RHOBTB1: variants seen among roughly 807,000 people sequenced by gnomAD.
RHOBTB1 encodes Rho related BTB domain containing 1, also known as rho-related BTB domain-containing protein 1.
A neutral mutation model predicts 71.6 loss-of-function variants in RHOBTB1; 40 were observed. The observed-to-expected ratio is 0.56, with a 90% CI of 0.43 to 0.73. The LOEUF (loss-of-function observed/expected upper bound fraction) is 0.73, where lower values mean the gene tolerates loss of function less well. Among genes scored for constraint, RHOBTB1 ranks in the 30% least tolerant of loss-of-function variants. The pLI is 0.00. For missense variants in RHOBTB1, 797 were observed against 894.0 expected (o/e 0.89, Z 1.38); for synonymous variants, 319 against 334.9 (o/e 0.95, Z 0.52).
chr10:60,919,128 T>A (rs955503966), intron 2 of RHOBTB1, among the ~76,000 whole-genome samples: 11 of 152,180 alleles, frequency 7.2e-5, no homozygotes, highest in African/African-American at 2.7e-4. Context: ...ACCTTTGTAG[T>A]CTTATCTCCA....
intron 4 of RHOBTB1, among the ~76,000 whole-genome samples, chr10:60,900,053 T>G (rs181527388): frequency 8.8e-4 from 134 of 152,212 alleles, no homozygotes; most frequent in Non-Finnish European, 1.7e-3. Context: ...TGTGGTGCCC[T>G]CCTGGAGGAA....
At chr10:60,899,223 C>T (rs1057236894) in intron 4 of RHOBTB1, among the ~76,000 whole-genome samples, 1 of 152,178 alleles carries the variant, frequency 6.6e-6, no homozygotes, top group African/African-American at 2.4e-5. Flanking sequence ...AAAGAAACAG[C>T]TTAAACAGTC....
In RHOBTB1 at chr10:60,931,005, T is replaced by A. The variant is rs537773524; in HGVS notation, c.-11+10799A>T. On this transcript the variant is annotated intron_variant, in intron 2 of 10. Transcript: ENST00000337910. Reference sequence around the variant, plus strand: ...CATGTAACAGGAAGCAATATTGAAGTCTTCCCTCTGCAACAACAATACATG... The same window carrying A: ...CATGTAACAGGAAGCAATATTGAAGACTTCCCTCTGCAACAACAATACATG... Among the ~76,000 whole-genome samples, 6 of 152,164 alleles carry A rather than the reference T, an allele frequency of 3.9e-5. No homozygotes were observed. In the South Asian group the frequency reaches 1.2e-3, roughly 32 times the overall value.
At chr10:60,987,612 C>T (rs998970939) in intron 1 of RHOBTB1, among the ~76,000 whole-genome samples, 4 of 152,166 alleles carry the variant, frequency 2.6e-5, no homozygotes, top group Non-Finnish European at 4.4e-5. Context: ...TAATGTGTTC[C>T]TGCTTCCAAT....
At chr10:60,906,243 G>A (rs879853987) in intron 4 of RHOBTB1, among the ~76,000 whole-genome samples, 1 of 152,184 alleles carries the variant, frequency 6.6e-6, no homozygotes, top group Non-Finnish European at 1.5e-5. Context: ...ACTCTCAGAA[G>A]GTTTGCTTGG....
chr10:60,945,670 A>C (rs1467415915), upstream of RHOBTB1, among the ~76,000 whole-genome samples: 2 of 152,206 alleles, frequency 1.3e-5, no homozygotes, highest in East Asian at 3.9e-4. Flanking sequence ...TAAATCCCCC[A>C]GAGACCCCAG....
upstream of RHOBTB1, among the ~76,000 whole-genome samples, chr10:60,946,040 C>T (rs1035429528): frequency 5.9e-5 from 9 of 152,062 alleles, no homozygotes; most frequent in East Asian, 1.9e-4. Flanking sequence ...TGGCTGGGCG[C>T]GGTGGCGCAC....
chr10:60,937,808 T>C (rs1000162138), intron 2 of RHOBTB1, among the ~76,000 whole-genome samples: 6 of 152,090 alleles, frequency 3.9e-5, no homozygotes, highest in African/African-American at 9.7e-5. Context: ...GAGACAAAAA[T>C]GATACAACTG....
intron 7 of RHOBTB1, among the ~76,000 whole-genome samples, chr10:60,883,694 T>G (rs150453093): frequency 1.5e-4 from 23 of 152,332 alleles, no homozygotes; most frequent in African/African-American, 5.5e-4. Flanking sequence ...AGGTAAAGAA[T>G]ACCATCACTA....
In RHOBTB1 at chr10:60,888,647, G is replaced by T. The variant is rs1454479318; in HGVS notation, c.1021C>A (p.Pro341Thr). ...EEREEGPPRI[P>T]QADQWKSSNK... ...GAAGACTTCCACTGGTCGGCCTGAGGAATCCTAGGCGGGCCCTCCTCCCTT... is the reference window on the plus strand; with the variant it reads ...GAAGACTTCCACTGGTCGGCCTGAGTAATCCTAGGCGGGCCCTCCTCCCTT... Residue 341 changes from proline (P) to threonine (T), a missense_variant, in exon 6 of 11, where the codon CCT becomes ACT. By Grantham distance (38) the Pro-to-Thr change is conservative. Around this residue, in one of 2 missense-constraint regions of RHOBTB1, gnomAD observed 658 missense variants for 681.5 expected, o/e 0.97. Coordinates refer to ENST00000337910, the MANE Select transcript of RHOBTB1 (RefSeq NM_014836.5). The T allele has an allele frequency of 6.2e-7, 1 of 1,614,176 alleles. No individual in the cohort carries two copies. The highest frequency in any genetic ancestry group is 8.5e-7 in the Non-Finnish European group (1 of 1,180,040).
chr10:60,960,392 A>G (rs2085738876), intron 2 of RHOBTB1, among the ~76,000 whole-genome samples: 1 of 152,216 alleles, frequency 6.6e-6, no homozygotes, highest in Admixed American at 6.5e-5. Context: ...GTCTAGTCAG[A>G]CATGTGGATC....
At chr10:60,972,143 G>A (rs550102982) in intron 2 of RHOBTB1, among the ~76,000 whole-genome samples, 1 of 152,256 alleles carries the variant, frequency 6.6e-6, no homozygotes, top group South Asian at 2.1e-4. Flanking sequence ...ATTCCTCAAG[G>A]ATCTAAAACC....
At chr10:60,918,766 G>A (rs1339871073) in intron 2 of RHOBTB1, among the ~76,000 whole-genome samples, 1 of 145,696 alleles carries the variant, frequency 6.9e-6, no homozygotes, top group African/African-American at 2.6e-5. Flanking sequence ...TTTTTTTTGA[G>A]ATGGAGTTTC....
At chr10:60,949,774 A>C (rs536087967) in intron 2 of RHOBTB1, among the ~76,000 whole-genome samples, 6 of 150,160 alleles carry the variant, frequency 4.0e-5, no homozygotes, top group African/African-American at 1.5e-4. Context: ...ATGATTACCC[A>C]TTTAAAGACA....
chr10:60,911,243 T>G, intron 3 of RHOBTB1, 108 bp downstream of exon 3: 1 of 1,152,190 alleles, frequency 8.7e-7, no homozygotes, highest in Non-Finnish European at 1.2e-6. Context: ...AAAAGGTTAG[T>G]TTTGTTTTGA....
At position 60,904,094 on chromosome 10, in the gene RHOBTB1, C is replaced by G. The variant is rs114547551; in HGVS notation, c.296+6793G>C. Among the ~76,000 whole-genome samples the G allele has an allele frequency of 7.0e-3, 1,064 of 152,122 alleles. 10 individuals carry two copies. The highest frequency in any genetic ancestry group is 0.024 in the African/African-American group (1,006 of 41,500). On this transcript the variant is annotated intron_variant, in intron 4 of 10. Coordinates refer to ENST00000337910, the MANE Select transcript of RHOBTB1 (RefSeq NM_014836.5). ...TCTCCCACCTCAACCTCCCGAGTAGCCACAACACCTGGCTAATTTTTTGTA... is the reference window on the plus strand; with the variant it reads ...TCTCCCACCTCAACCTCCCGAGTAGGCACAACACCTGGCTAATTTTTTGTA...
intron 7 of RHOBTB1, among the ~76,000 whole-genome samples, chr10:60,883,207 C>A (rs1033362713): frequency 2.6e-5 from 4 of 152,196 alleles, no homozygotes; most frequent in African/African-American, 9.7e-5. Flanking sequence ...GTCTTTTGAG[C>A]TGGTCTGAAT....
chr10:60,867,864 T>C (rs563347763), downstream of RHOBTB1, among the ~76,000 whole-genome samples: 59 of 152,350 alleles, frequency 3.9e-4, no homozygotes, highest in Non-Finnish European at 4.7e-4. Flanking sequence ...AAACCTTTCA[T>C]GATGCATATA....
chr10:60,879,038 A>G (rs1355542530), intron 7 of RHOBTB1, among the ~76,000 whole-genome samples: 1 of 152,196 alleles, frequency 6.6e-6, no homozygotes, highest in Non-Finnish European at 1.5e-5. Context: ...CTTTAATTTG[A>G]TGCTTATATC....
Sources: gnomAD v4.1 joint callset for allele counts (sites outside exome capture counted in the v4.1 genomes callset) on GRCh38, gnomAD v4.1.1 for gene constraint, gnomAD v4.1.1 regional missense constraint, MANE v1.5 for transcripts, NCBI Gene and HGNC (gene_info 2026-07-23, HGNC 2026-07-21) for gene names.